NVL: variants seen among roughly 807,000 people sequenced by gnomAD.
The protein encoded by NVL is nuclear valosin-containing protein-like.
A neutral mutation model predicts 110.2 loss-of-function variants in NVL; 84 were observed. The observed-to-expected ratio is 0.76, with a 90% CI of 0.64 to 0.91. NVL has a LOEUF of 0.91. NVL is among the 40% of genes least tolerant of loss of function. The pLI, the probability that NVL is intolerant of heterozygous loss-of-function variation, is 0.00. For missense variants in NVL, 882 were observed against 1,035.9 expected (o/e 0.85, Z 2.04); for synonymous variants, 354 against 361.1 (o/e 0.98, Z 0.22).
At chr1:224,247,270 A>AC (rs1290788071) in intron 19 of NVL, among the ~76,000 whole-genome samples, 1 of 151,746 alleles carries the variant, frequency 6.6e-6, no homozygotes, top group East Asian at 1.9e-4. Flanking sequence ...CAGTGACGTG[A>AC]CCATGGCACA....
chr1:224,299,922 A>G (rs1668236554), intron 10 of NVL, among the ~76,000 whole-genome samples: 2 of 152,192 alleles, frequency 1.3e-5, no homozygotes, highest in African/African-American at 4.8e-5. Context: ...TTCATCAGCT[A>G]CTATATATTG....
intron 4 of NVL, chr1:224,312,838 A>T (rs1338856966): frequency 2.7e-5 from 4 of 145,770 alleles, no homozygotes; most frequent in African/African-American, 1.0e-4. Flanking sequence ...AAAAAAAACT[A>T]TTTAAATAAG....
intron 19 of NVL, among the ~76,000 whole-genome samples, chr1:224,242,348 T>C (rs1029745526): frequency 6.6e-6 from 1 of 152,202 alleles, no homozygotes; most frequent in Non-Finnish European, 1.5e-5. Flanking sequence ...AAAAAAGTTA[T>C]GGCTCATTTA....
At chr1:224,318,376 G>A (rs920899731) in intron 2 of NVL, among the ~76,000 whole-genome samples, 1 of 152,118 alleles carries the variant, frequency 6.6e-6, no homozygotes, top group Non-Finnish European at 1.5e-5. Flanking sequence ...GCTGAGGTGG[G>A]AGAATCACTT....
intron 12 of NVL, among the ~76,000 whole-genome samples, chr1:224,291,533 G>A (rs1011510675): frequency 6.6e-6 from 1 of 152,152 alleles, no homozygotes; most frequent in African/African-American, 2.4e-5. Flanking sequence ...AATAGAAGCA[G>A]ATAAACATTA....
chr1:224,322,873 G>A (rs1457235068), intron 2 of NVL, among the ~76,000 whole-genome samples: 2 of 152,058 alleles, frequency 1.3e-5, no homozygotes, highest in Non-Finnish European at 2.9e-5. Context: ...AGAATCGCTT[G>A]AACCAGGGAG....
At chr1:224,235,030 T>C (rs565235939) in intron 20 of NVL, among the ~76,000 whole-genome samples, 1 of 152,280 alleles carries the variant, frequency 6.6e-6, no homozygotes, top group Admixed American at 6.5e-5. Flanking sequence ...CTTGAACTCC[T>C]GGCCTCAAAC....
intron 4 of NVL, among the ~76,000 whole-genome samples, chr1:224,313,518 G>A (rs544605295): frequency 1.3e-5 from 2 of 152,252 alleles, no homozygotes; most frequent in South Asian, 2.1e-4. Flanking sequence ...TAAAAAAGAA[G>A]TGGCAACATG....
At chr1:224,305,946 C>T (rs1436092901) in intron 6 of NVL, among the ~76,000 whole-genome samples, 1 of 152,252 alleles carries the variant, frequency 6.6e-6, no homozygotes, top group Non-Finnish European at 1.5e-5. Context: ...TCACTTATCT[C>T]TGTCTTTCTC....
intron 18 of NVL, among the ~76,000 whole-genome samples, chr1:224,260,773 C>A (rs897598483): frequency 2.0e-5 from 3 of 147,806 alleles, no homozygotes; most frequent in Admixed American, 6.9e-5. Context: ...GCAATCATAG[C>A]TCACTGTGGC....
intron 17 of NVL, among the ~76,000 whole-genome samples, chr1:224,272,659 G>A (rs975773291): frequency 6.6e-6 from 1 of 151,760 alleles, no homozygotes; most frequent in Non-Finnish European, 1.5e-5. Context: ...AGAGGCTGCA[G>A]TGAGCTGAGA....
intron 5 of NVL, among the ~76,000 whole-genome samples, chr1:224,310,646 T>A (rs1262033256): frequency 5.9e-5 from 9 of 152,222 alleles, no homozygotes; most frequent in Middle Eastern, 3.2e-3. Context: ...GATGAAGACT[T>A]CCGAAGTCTC....
intron 4 of NVL, among the ~76,000 whole-genome samples, chr1:224,316,655 C>T (rs57324770): frequency 0.081 from 9,382 of 115,784 alleles, 397 homozygotes; most frequent in African/African-American, 0.14. Context: ...AGAGTAAAAC[C>T]CTGTCTCAAA....
At position 224,255,813 on chromosome 1, in the gene NVL, A is replaced by T. The variant is rs183131008; in HGVS notation, c.2183-5495T>A. 4.6e-3 allele frequency among the ~76,000 whole-genome samples: 707 copies of T among 152,302 alleles called. 25 individuals are homozygous for T. Among genetic ancestry groups the T allele is most frequent in the Admixed American group, 0.041 (621 of 15,286 alleles). ...CTTTGCTTAATTCAAGGTAGAAAAA[A>T]ATTTCTCCAGTGTTTTCTTCCAAGA... On this transcript the variant is annotated intron_variant, in intron 18 of 22. Coordinates refer to ENST00000281701, the MANE Select transcript of NVL (RefSeq NM_002533.4).
At chr1:224,231,411 G>A in intron 21 of NVL, 115 bp from the exon 22 acceptor site, 1 of 725,270 alleles carries the variant, frequency 1.4e-6, no homozygotes, top group Non-Finnish European at 2.4e-6. Context: ...AGAGATCAGT[G>A]ATGAGATGGG....
chr1:224,288,531 C>A, intron 13 of NVL, among the ~76,000 whole-genome samples: 1 of 151,938 alleles, frequency 6.6e-6, no homozygotes, highest in East Asian at 1.9e-4. Flanking sequence ...CCAATTAATT[C>A]AATTTATAAA....
chr1:224,314,146 T>C (rs977260100), intron 4 of NVL, among the ~76,000 whole-genome samples: 11 of 152,232 alleles, frequency 7.2e-5, no homozygotes, highest in Non-Finnish European at 1.6e-4. Flanking sequence ...GCAACCTTTT[T>C]AGGAAGGTAA....
At position 224,301,106 on chromosome 1, in the gene NVL, C is replaced by CAA. The variant is rs567496040; in HGVS notation, c.961-445_961-444dup. 1.7e-4 allele frequency among the ~76,000 whole-genome samples: 22 copies of CAA among 127,862 alleles called. No homozygotes were observed. The East Asian group carries it at 2.2e-3, about 13-fold the overall frequency. The allele number at this position is 127,862 out of a possible 152,430, so 83.9% of individuals were successfully genotyped here. A position where few individuals can be genotyped will look rare whatever the true frequency, so the allele number is the denominator to read the frequency against. On this transcript the variant is annotated intron_variant, in intron 9 of 22. Coordinates refer to ENST00000281701, the MANE Select transcript of NVL (RefSeq NM_002533.4). ...GGGCAACAAGAGCAAAACTCCATCT[C>CAA]AAAAAAAAAAAAAATCAACGGTTTC...
At chr1:224,296,432 C>T in intron 11 of NVL, 69 bp downstream of exon 11, 1 of 776,402 alleles carries the variant, frequency 1.3e-6, no homozygotes, top group Non-Finnish European at 2.0e-6. Flanking sequence ...TATTTTTTAT[C>T]TTCATGTATT....
Sources: gnomAD v4.1 joint callset for allele counts (sites outside exome capture counted in the v4.1 genomes callset) on GRCh38, gnomAD v4.1.1 for gene constraint, MANE v1.5 for transcripts, NCBI Gene and HGNC (gene_info 2026-07-23, HGNC 2026-07-21) for gene names.